Variants in ABAT observed in about 807,000 individuals in gnomAD.
The protein encoded by ABAT is 4-aminobutyrate aminotransferase, mitochondrial.
In ABAT, 45 loss-of-function variants were observed where a neutral mutation model predicts 64.6. The ratio of observed to expected loss-of-function variants is 0.70; its 90% confidence interval spans 0.55 to 0.89. ABAT has a LOEUF of 0.89. Among genes scored for constraint, ABAT ranks in the 40% least tolerant of loss-of-function variants. The probability of loss-of-function intolerance (pLI) is 0.00; values close to 1 mark genes in which losing one functional copy is unlikely to be tolerated. For missense variants in ABAT, 633 were observed against 658.4 expected (o/e 0.96, Z 0.42); for synonymous variants, 297 against 250.5 (o/e 1.19, Z -1.75).
intron 1 of ABAT, among the ~76,000 whole-genome samples, chr16:8,685,575 C>G (rs879487484): frequency 1.3e-5 from 2 of 151,970 alleles, no homozygotes; most frequent in Middle Eastern, 3.4e-3. Flanking sequence ...ACTTGGGAGG[C>G]TGAGGCAGGA....
At chr16:8,747,438 C>T (rs1173144924) in intron 3 of ABAT, among the ~76,000 whole-genome samples, 1 of 152,002 alleles carries the variant, frequency 6.6e-6, no homozygotes, top group Non-Finnish European at 1.5e-5. Flanking sequence ...AAACGGGAGA[C>T]ATTTTAAATG....
chr16:8,776,769 T>G lies in ABAT; in HGVS notation c.1269+279T>G, dbSNP rs147563246. ...TTTTTATTTTTTTAATATTGAGACA[T>G]GGTCAAGCTCTGTTAGCCAGTCCGG... On this transcript the variant is annotated intron_variant, in intron 14 of 15. Coordinates refer to ENST00000268251, the MANE Select transcript of ABAT (RefSeq NM_020686.6). This position sits in a 1 kb window ranked among gnomAD's most constrained non-coding sequence, Gnocchi z 4.4. Among the ~76,000 whole-genome samples, 281 of 152,258 alleles carry G rather than the reference T, an allele frequency of 1.8e-3. 1 individual carries two copies. The highest frequency in any genetic ancestry group is 6.4e-3 in the African/African-American group (268 of 41,568).
intron 1 of ABAT, among the ~76,000 whole-genome samples, chr16:8,723,069 C>A (rs1305254203): frequency 6.6e-6 from 1 of 152,074 alleles, no homozygotes; most frequent in Non-Finnish European, 1.5e-5. Flanking sequence ...CCTGTCTCTA[C>A]AAAACATACA....
intron 1 of ABAT, among the ~76,000 whole-genome samples, chr16:8,684,450 G>T (rs975247761): frequency 1.3e-5 from 2 of 152,160 alleles, no homozygotes; most frequent in African/African-American, 4.8e-5. Context: ...ATGCATGCTT[G>T]TAGTCCCAAC....
chr16:8,690,070 C>T (rs1286408542), intron 1 of ABAT, among the ~76,000 whole-genome samples: 1 of 152,156 alleles, frequency 6.6e-6, no homozygotes, highest in Non-Finnish European at 1.5e-5. Context: ...GTATGGCAAC[C>T]CCTGGAGTGA....
intron 5 of ABAT, among the ~76,000 whole-genome samples, chr16:8,751,144 T>A (rs1567303374): frequency 6.6e-6 from 1 of 152,010 alleles, no homozygotes; most frequent in Non-Finnish European, 1.5e-5. Flanking sequence ...AGACGGGGTT[T>A]TACCATGTTG....
At chr16:8,751,540 T>A (rs566371756) in intron 5 of ABAT, among the ~76,000 whole-genome samples, 1 of 152,180 alleles carries the variant, frequency 6.6e-6, no homozygotes, top group African/African-American at 2.4e-5. Context: ...CGGGCTCTGG[T>A]GCATACACCA....
At chr16:8,718,165 G>A (rs1304986546) in intron 1 of ABAT, among the ~76,000 whole-genome samples, 1 of 152,182 alleles carries the variant, frequency 6.6e-6, no homozygotes, top group Non-Finnish European at 1.5e-5. Context: ...TTGCAAGAAT[G>A]GAATAAGATG....
intron 6 of ABAT, among the ~76,000 whole-genome samples, chr16:8,763,790 G>A (rs529532083): frequency 1.3e-5 from 2 of 152,194 alleles, no homozygotes; most frequent in Admixed American, 6.5e-5. Flanking sequence ...CCCCATGTAC[G>A]CTTCGCTCAG....
At chr16:8,762,285 C>G (rs1250850692) in intron 6 of ABAT, among the ~76,000 whole-genome samples, 1 of 152,224 alleles carries the variant, frequency 6.6e-6, no homozygotes, top group Non-Finnish European at 1.5e-5. Flanking sequence ...CACAGCAGGC[C>G]TGACCAAGTA....
At chr16:8,711,738 G>GGATGGATGGGTGGATGGATGGGAA (rs1283652114) in intron 1 of ABAT, among the ~76,000 whole-genome samples, 62 of 135,718 alleles carry the variant, frequency 4.6e-4, no homozygotes, top group South Asian at 2.7e-3. Context: ...ATGGATGGGT[G>GGATGGATGGGTGGATGGATGGGAA]GATGGATGGG....
chr16:8,684,528 C>A (rs1353055035), intron 1 of ABAT, among the ~76,000 whole-genome samples: 3 of 151,956 alleles, frequency 2.0e-5, no homozygotes, highest in Admixed American at 1.3e-4. Context: ...GGCAACATAG[C>A]AAGACCCCTC....
intron 1 of ABAT, among the ~76,000 whole-genome samples, chr16:8,676,980 C>A (rs935309308): frequency 6.6e-6 from 1 of 152,200 alleles, no homozygotes; most frequent in East Asian, 1.9e-4. Context: ...CTGCCCCCAC[C>A]CAGTTCCCAG....
rs2060271780 is a variant in ABAT at position 8,776,612 on chromosome 16, G to A, written c.1269+122G>A. On this transcript the variant is annotated intron_variant, in intron 14 of 15. Coordinates refer to ENST00000268251, the MANE Select transcript of ABAT (RefSeq NM_020686.6). The surrounding 1 kb of genome is among the most constrained non-coding windows in gnomAD (Gnocchi z 4.4). ...CTGTTCCAGCAGTTCGTAACGGGCT[G>A]TGCTGCTCCTAGCCTTGGGGGCTTT... The A allele has an allele frequency of 2.8e-6, 3 of 1,082,446 alleles. No individual in the cohort carries two copies. Among genetic ancestry groups the A allele is most frequent in the African/African-American group, 3.1e-5 (2 of 64,174 alleles). 67.1% of individuals were successfully genotyped at this position (1,082,446 alleles called of 1,614,324 possible). A position where few individuals can be genotyped will look rare whatever the true frequency, so the allele number is the denominator to read the frequency against.
At position 8,737,991 on chromosome 16, in the gene ABAT, G is replaced by GAAAAAGAAAGAAAGAAAGAAAGAAAGAAA. The variant is rs55862439; in HGVS notation, c.70+2182_70+2183insAAAAAGAAAGAAAGAAAGAAAGAAAGAAA. On this transcript the variant is annotated intron_variant, in intron 2 of 15. Coordinates refer to ENST00000268251, the MANE Select transcript of ABAT (RefSeq NM_020686.6). ...AAGGAAGGAAGGAAGGAAGGAAGGA[G>GAAAAAGAAAGAAAGAAAGAAAGAAAGAAA]GAAAGAAAGAAAGAAAGAAAGAAAG... 2.7e-4 allele frequency among the ~76,000 whole-genome samples: 4 copies of GAAAAAGAAAGAAAGAAAGAAAGAAAGAAA among 14,962 alleles called. 1 individual carries two copies. Among genetic ancestry groups the GAAAAAGAAAGAAAGAAAGAAAGAAAGAAA allele is most frequent in the South Asian group, 2.6e-3 (1 of 386 alleles). 9.8% of individuals were successfully genotyped at this position (14,962 alleles called of 152,430 possible). A position where few individuals can be genotyped will look rare whatever the true frequency, so the allele number is the denominator to read the frequency against.
At chr16:8,757,347 T>C in intron 5 of ABAT, 1 of 360,588 alleles carries the variant, frequency 2.8e-6, no homozygotes, top group Non-Finnish European at 5.4e-6. Context: ...TTTGTATTTT[T>C]AGTAGAGACG....
intron 5 of ABAT, among the ~76,000 whole-genome samples, chr16:8,755,230 C>T (rs1461342414): frequency 2.6e-5 from 4 of 152,030 alleles, no homozygotes; most frequent in East Asian, 1.9e-4. Context: ...GGGTCTCCTA[C>T]GCCTCCCTCC....
rs1405106317 is a variant in ABAT, at chr16:8,775,272, C to CCTGTTTTT, written c.1122+222_1122+223insTCTGTTTT. Among the ~76,000 whole-genome samples, 1,038 of 152,186 alleles carry CCTGTTTTT rather than the reference C, an allele frequency of 6.8e-3. 7 individuals carry two copies. The highest frequency in any genetic ancestry group is 0.01 in the Middle Eastern group (3 of 294). ...TGGAACAGTCCACCATCAGCCTTTT[C>CCTGTTTTT]CTGTTTTCTCTCTGTGTGCACACAC... On this transcript the variant is annotated intron_variant, in intron 13 of 15. Coordinates refer to ENST00000268251, the MANE Select transcript of ABAT (RefSeq NM_020686.6).
chr16:8,734,242 C>T (rs1182333077), intron 1 of ABAT, among the ~76,000 whole-genome samples: 1 of 152,190 alleles, frequency 6.6e-6, no homozygotes, highest in Non-Finnish European at 1.5e-5. Flanking sequence ...AGGCACTTCT[C>T]CCCATTATAA....
Sources: gnomAD v4.1 joint callset for allele counts (sites outside exome capture counted in the v4.1 genomes callset) on GRCh38, gnomAD v4.1.1 for gene constraint, Gnocchi (gnomAD v3.1) non-coding constraint, MANE v1.5 for transcripts, NCBI Gene and HGNC (gene_info 2026-07-23, HGNC 2026-07-21) for gene names.